The following KIF26B variants were observed in gnomAD, a reference collection of about 807,000 sequenced individuals.
KIF26B encodes the protein kinesin-like protein KIF26B.
Under a neutral mutation model 151.2 loss-of-function variants are expected in KIF26B, and 63 were observed. That is an observed-to-expected ratio of 0.42 (90% CI 0.34 to 0.51). The LOEUF (loss-of-function observed/expected upper bound fraction) is 0.51. Among genes scored for constraint, KIF26B ranks in the 20% least tolerant of loss-of-function variants. KIF26B has a pLI of 0.07. For synonymous variants in KIF26B, 1,357 were observed against 1,262.1 expected (o/e 1.08, Z -1.59); for missense variants, 2,813 against 2,913.6 (o/e 0.97, Z 0.79).
At chr1:245,276,170 C>T (rs146862799) in intron 2 of KIF26B, among the ~76,000 whole-genome samples, 6 of 152,040 alleles carry the variant, frequency 3.9e-5, no homozygotes, top group Non-Finnish European at 8.8e-5. Context: ...GGGAAAACCT[C>T]GACTCTATTA....
intron 2 of KIF26B, among the ~76,000 whole-genome samples, chr1:245,287,493 TCTCTC>T (rs796579399): frequency 4.5e-5 from 6 of 134,460 alleles, no homozygotes; most frequent in Non-Finnish European, 4.8e-5. Flanking sequence ...CTCATCTCTC[TCTCTC>T]TTTTTTTTTT....
At chr1:245,341,421 G>C (rs535349442) in intron 2 of KIF26B, among the ~76,000 whole-genome samples, 1 of 140,852 alleles carries the variant, frequency 7.1e-6, no homozygotes, top group East Asian at 2.2e-4. Context: ...CCAGATTCCA[G>C]AGATCCTCCC....
chr1:245,523,846 G>A lies in KIF26B; in HGVS notation c.1167-16921G>A, dbSNP rs143212797. Among the ~76,000 whole-genome samples, 511 of 152,278 alleles carry A rather than the reference G, an allele frequency of 3.4e-3. 3 individuals are homozygous for A. The highest frequency in any genetic ancestry group is 0.011 in the African/African-American group (459 of 41,556). ...ACCTAACTTTGAAAGAACAAGGATT[G>A]ATTAATCCAATGTCAGCATACAGTA... On this transcript the variant is annotated intron_variant, in intron 4 of 14. Transcript: ENST00000407071.
At chr1:245,369,727 A>G (rs1399319177) in intron 3 of KIF26B, among the ~76,000 whole-genome samples, 1 of 152,166 alleles carries the variant, frequency 6.6e-6, no homozygotes, top group African/African-American at 2.4e-5. Context: ...GTTTCTTCCA[A>G]CTTTCCTAGG....
chr1:245,429,450 C>A (rs964165312), intron 4 of KIF26B, among the ~76,000 whole-genome samples: 1 of 152,128 alleles, frequency 6.6e-6, no homozygotes, highest in African/African-American at 2.4e-5. Context: ...AAGAGCAATT[C>A]GCCCTTAAAT....
chr1:245,255,655 G>T (rs921108523), intron 2 of KIF26B, among the ~76,000 whole-genome samples: 1 of 152,166 alleles, frequency 6.6e-6, no homozygotes, highest in Non-Finnish European at 1.5e-5. Flanking sequence ...GTGCTGCCAG[G>T]CTCTCTTACA....
At chr1:245,424,977 C>T (rs1054832653) in intron 4 of KIF26B, among the ~76,000 whole-genome samples, 1 of 151,748 alleles carries the variant, frequency 6.6e-6, no homozygotes, top group African/African-American at 2.4e-5. Flanking sequence ...TAGTAACAGT[C>T]ACCCAGAAAA....
intron 2 of KIF26B, among the ~76,000 whole-genome samples, chr1:245,259,419 G>A (rs1282213302): frequency 1.3e-5 from 2 of 152,130 alleles, no homozygotes; most frequent in Non-Finnish European, 2.9e-5. Context: ...GCAGGGTTGT[G>A]AGGGCCAGTT....
At chr1:245,403,630 C>CATGT (rs34933065) in intron 3 of KIF26B, among the ~76,000 whole-genome samples, 1 of 151,738 alleles carries the variant, frequency 6.6e-6, no homozygotes, top group African/African-American at 2.4e-5. Context: ...TGTGTGTCCA[C>CATGT]GTGTGTGTGT....
chr1:245,472,030 G>A (rs1659926545), intron 4 of KIF26B, among the ~76,000 whole-genome samples: 1 of 152,160 alleles, frequency 6.6e-6, no homozygotes, highest in African/African-American at 2.4e-5. Flanking sequence ...GACCTCAGAT[G>A]ATCCGCCCAC....
Position 245,706,596 on chromosome 1 carries a change from A to G in KIF26B, c.*3990A>G, listed in dbSNP as rs936130149. On this transcript the variant is annotated 3_prime_UTR_variant, in exon 15 of 15. Coordinates refer to ENST00000407071, the MANE Select transcript of KIF26B (RefSeq NM_018012.4). ...CTAGTAACCCATTCTTGGAGCACAC[A>G]CAGAGTCCCTCGCTTCTAAAGACAA... The G allele has an allele frequency of 3.3e-5, 5 of 152,354 alleles. No individual in the cohort carries two copies. The highest frequency in any genetic ancestry group is 2.6e-4 in the Admixed American group (4 of 15,308). The allele number at this position is 152,354 out of a possible 1,614,324, so 9.4% of individuals were successfully genotyped here.
At chr1:245,264,173 T>C (rs1171433717) in intron 2 of KIF26B, among the ~76,000 whole-genome samples, 3 of 152,204 alleles carry the variant, frequency 2.0e-5, no homozygotes, top group African/African-American at 4.8e-5. Context: ...GTGCTTGGCA[T>C]GTATATTACG....
At chr1:245,627,693 C>A (rs113557213) in intron 9 of KIF26B, among the ~76,000 whole-genome samples, 4,824 of 151,576 alleles carry the variant, frequency 0.032, 272 homozygotes, top group African/African-American at 0.11. Context: ...AATCCAGGAG[C>A]CAGTTTTTTG....
chr1:245,428,972 T>C (rs1482551734), intron 4 of KIF26B, among the ~76,000 whole-genome samples: 2 of 37,068 alleles, frequency 5.4e-5, no homozygotes, highest in South Asian at 2.0e-3. Flanking sequence ...TAATTGATGC[T>C]GTGGTGGGGG....
intron 2 of KIF26B, among the ~76,000 whole-genome samples, chr1:245,290,992 A>C (rs1211342135): frequency 6.6e-6 from 1 of 152,182 alleles, no homozygotes; most frequent in Non-Finnish European, 1.5e-5. Context: ...GGGTGTTCTA[A>C]GTAGGCCTCA....
chr1:245,280,230 T>C (rs1450590931), intron 2 of KIF26B, among the ~76,000 whole-genome samples: 1 of 151,864 alleles, frequency 6.6e-6, no homozygotes, highest in Non-Finnish European at 1.5e-5. Flanking sequence ...AGAAATTATT[T>C]TGGCCGGGTG....
chr1:245,282,104 C>T (rs9661570), intron 2 of KIF26B, among the ~76,000 whole-genome samples: 6,320 of 152,084 alleles, frequency 0.042, 165 homozygotes, highest in African/African-American at 0.065. Flanking sequence ...AGGATACAAA[C>T]AAATGGAAGA....
At chr1:245,652,102 CTGTGTGTGTGTGTGTGTG>C (rs56893913) in intron 10 of KIF26B, among the ~76,000 whole-genome samples, 1 of 136,446 alleles carries the variant, frequency 7.3e-6, no homozygotes, top group South Asian at 2.4e-4. Context: ...ATGTAAGAAT[CTGTGTGTGTGTGTGTGTG>C]TGTGTGTGTG....
intron 4 of KIF26B, among the ~76,000 whole-genome samples, chr1:245,503,893 CTT>C (rs1175503383): frequency 2.0e-5 from 3 of 152,162 alleles, no homozygotes; most frequent in African/African-American, 4.8e-5. Context: ...CCTGGTAGGC[CTT>C]TCCCAGGCGT....
Sources: gnomAD v4.1 joint callset for allele counts (sites outside exome capture counted in the v4.1 genomes callset) on GRCh38, gnomAD v4.1.1 for gene constraint, MANE v1.5 for transcripts, NCBI Gene and HGNC (gene_info 2026-07-23, HGNC 2026-07-21) for gene names.